The following PUSL1 variants were observed in gnomAD, a reference collection of about 807,000 sequenced individuals.
PUSL1 encodes tRNA pseudouridine synthase-like 1.
In PUSL1, 51 loss-of-function variants were observed where a neutral mutation model predicts 30.7. The observed-to-expected ratio is 1.66, with a 90% confidence interval of 1.33 to 2.10. The LOEUF is 2.10. Among genes scored for constraint, PUSL1 ranks in the 30% most tolerant of loss-of-function variants. PUSL1 has a pLI of 0.00. For missense variants in PUSL1, 609 were observed against 427.6 expected, an observed-to-expected ratio of 1.42 and a Z score of -3.74; for synonymous variants, 290 against 192.1, an observed-to-expected ratio of 1.51 and a Z score of -4.21.
At chr1:1,310,715 AGGGGGT>A in intron 6 of PUSL1, 27 bp downstream of exon 6, 1 of 1,568,594 alleles carries the variant, frequency 6.4e-7, no homozygotes, top group East Asian at 2.3e-5. Flanking sequence ...GGCCGTCCCC[AGGGGGT>A]GGGGCTGAGG....
rs769404665 is a variant in PUSL1, at chr1:1,309,681, C to G, written c.474C>G (p.Asp158Glu). ...CTGACGGTCACCCTGGTCCCTGAAG[C>G]TGCCTGGATATGGTCGCCATGCAGG... The part of the protein sequence containing the change: ...ERNLCWTLPA[D>E]CLDMVAMQEA... The change falls in exon 5 of 8, where the codon GAC becomes GAG. Residue 158 changes from aspartate to glutamate, a missense_variant and splice_region_variant. By Grantham distance (45) the Asp-to-Glu change is conservative (BLOSUM62 2). Transcript: ENST00000379031. 1 of 1,595,552 alleles carries G rather than the reference C, an allele frequency of 6.3e-7. No individual in the cohort carries two copies. Among genetic ancestry groups the G allele is most frequent in the East Asian group, 2.3e-5 (1 of 44,346 alleles).
Position 1,308,676 on chromosome 1 carries a change from C to G in PUSL1, c.33C>G (p.Arg11=), listed in dbSNP as rs1165898363. Residue 11 remains arginine (R), a synonymous_variant, in exon 1 of 8, where the codon CGC becomes CGG. Transcript: ENST00000379031. Reference sequence around the variant, plus strand: ...CGGCGCCGGCCTCAGGCTCCGTGCGCGCGCGCTATCTTGTGTACTTCCAGT... The same window carrying G: ...CGGCGCCGGCCTCAGGCTCCGTGCGGGCGCGCTATCTTGTGTACTTCCAGT... MSSAPASGSV[R]ARYLVYFQYV... is the part of the protein sequence containing the mutation. 6.5e-7 allele frequency: 1 copy of G among 1,548,840 alleles called. No individual in the cohort carries two copies. The highest frequency in any genetic ancestry group is 1.4e-5 in the African/African-American group (1 of 70,278).
chr1:1,309,295 C>G, intron 3 of PUSL1, 22 bp downstream of exon 3: 1 of 1,474,112 alleles, frequency 6.8e-7, no homozygotes, highest in South Asian at 1.3e-5. Flanking sequence ...ACCTAAGCAG[C>G]CCTGGGGCTG....
In PUSL1 at chr1:1,309,108, C is replaced by G. The variant is rs1396135883; in HGVS notation, c.158C>G (p.Ser53Cys). The G allele has an allele frequency of 4.2e-5, 64 of 1,513,170 alleles. No individual in the cohort carries two copies. Among genetic ancestry groups the G allele is most frequent in the Non-Finnish European group, 5.4e-5 (62 of 1,139,220 alleles). 93.7% of individuals were successfully genotyped at this position (1,513,170 alleles called of 1,614,324 possible). A position where few individuals can be genotyped will look rare whatever the true frequency, so the allele number is the denominator to read the frequency against. Residue 53 changes from serine to cysteine, a missense_variant, in exon 3 of 8, where the codon TCC becomes TGC. Physicochemically the swap from Ser to Cys is moderately radical, Grantham distance 112 (BLOSUM62 -1). Coordinates refer to ENST00000379031, the MANE Select transcript of PUSL1 (RefSeq NM_153339.3). ...CAGGAGGCCGCCGAGCGGCTGAATT[C>G]CGTGGAGCCGGTCAGGTTCACCATC... ...YLEEAAERLN[S>C]VEPVRFTISS...
rs773348239 is a variant in PUSL1 at position 1,309,240 on chromosome 1, C to T, written c.290C>T (p.Ala97Val). 1 of 1,508,042 alleles carries T rather than the reference C, an allele frequency of 6.6e-7. No individual in the cohort carries two copies. The highest frequency in any genetic ancestry group is 8.8e-7 in the Non-Finnish European group (1 of 1,135,166). The allele number at this position is 1,508,042 out of a possible 1,614,324, so 93.4% of individuals were successfully genotyped here. ...PPFPPEVLAE[A>V]LNTHLRHPAI... Reference sequence around the variant, plus strand: ...TTCCCGCCCGAGGTCCTGGCCGAGGCCCTCAACACACACCTGCGGCACCCG... The same window carrying T: ...TTCCCGCCCGAGGTCCTGGCCGAGGTCCTCAACACACACCTGCGGCACCCG... The change falls in exon 3 of 8, where the codon GCC becomes GTC. Residue 97 changes from alanine to valine, a missense_variant. By Grantham distance (64) the Ala-to-Val change is moderately conservative. Coordinates refer to ENST00000379031, the MANE Select transcript of PUSL1 (RefSeq NM_153339.3).
chr1:1,311,063 G>T lies in PUSL1; in HGVS notation c.854G>T (p.Gly285Val), dbSNP rs1311559298. Reference protein sequence around the residue: ...HGLFLKSVLYGNLGAASCTLQ... With the variant: ...HGLFLKSVLYVNLGAASCTLQ... Reference sequence around the variant, plus strand: ...TTATTCCTCAAGTCAGTGCTGTACGGGAACCTCGGTAAGAAAAACAGGCAC... The same window carrying T: ...TTATTCCTCAAGTCAGTGCTGTACGTGAACCTCGGTAAGAAAAACAGGCAC... Residue 285 changes from glycine (G) to valine (V), a missense_variant, in exon 7 of 8, where the codon GGG (glycine) becomes GTG (valine). Gly to Val is a moderately radical substitution (Grantham distance 109). Coordinates refer to ENST00000379031, the MANE Select transcript of PUSL1 (RefSeq NM_153339.3). The T allele has an allele frequency of 6.3e-7, 1 of 1,598,950 alleles. No individual in the cohort carries two copies. The highest frequency in any genetic ancestry group is 8.6e-7 in the Non-Finnish European group (1 of 1,169,280).
intron 3 of PUSL1, 65 bp downstream of exon 3, chr1:1,309,338 G>C: frequency 1.4e-6 from 2 of 1,451,140 alleles, no homozygotes; most frequent in South Asian, 1.4e-5. Flanking sequence ...GCGGGCGGAG[G>C]CTGGAGATCT....
In PUSL1 at chr1:1,309,228, TCCTGGCCGAGGC is replaced by T. The variant is rs780302427; in HGVS notation, c.282_293del (p.Ala95_Leu98del). On this transcript the variant is annotated inframe_deletion, in exon 3 of 8. Coordinates refer to ENST00000379031, the MANE Select transcript of PUSL1 (RefSeq NM_153339.3). ...GGCCGGCCGCCCTTCCCGCCCGAGG[TCCTGGCCGAGGC>T]CCTCAACACACACCTGCGGCACCCG... 2.6e-5 allele frequency: 40 copies of T among 1,515,360 alleles called. No homozygotes were observed. In the East Asian group the frequency reaches 5.0e-4, roughly 19 times the overall value. The allele number at this position is 1,515,360 out of a possible 1,614,324, so 93.9% of individuals were successfully genotyped here. A position where few individuals can be genotyped will look rare whatever the true frequency, so the allele number is the denominator to read the frequency against.
chr1:1,308,705 T>C lies in PUSL1; in HGVS notation c.62T>C (p.Val21Ala). 3.2e-6 allele frequency: 5 copies of C among 1,557,834 alleles called. No individual in the cohort carries two copies. The highest frequency in any genetic ancestry group is 1.4e-5 in the African/African-American group (1 of 70,760). ...CGCTATCTTGTGTACTTCCAGTACGTGGGCACCGACTTTAAGTAGGTTTCC... is the reference window on the plus strand; with the variant it reads ...CGCTATCTTGTGTACTTCCAGTACGCGGGCACCGACTTTAAGTAGGTTTCC... ...RARYLVYFQY[V>A]GTDFNGVAAV... Residue 21 changes from valine (V) to alanine (A), a missense_variant, in exon 1 of 8, where the codon GTG (valine) becomes GCG (alanine). Physicochemically the swap from Val to Ala is moderately conservative, Grantham distance 64. Transcript: ENST00000379031.
Position 1,309,105 on chromosome 1 carries a change from A to C in PUSL1, c.155A>C (p.Asn52Thr), listed in dbSNP as rs367791366. 12 of 1,508,928 alleles carry C rather than the reference A, an allele frequency of 8.0e-6. No individual in the cohort carries two copies. The highest frequency in any genetic ancestry group is 7.2e-5 in the African/African-American group (5 of 69,928). 93.5% of individuals were successfully genotyped at this position (1,508,928 alleles called of 1,614,324 possible). Residue 52 changes from asparagine (N) to threonine (T), a missense_variant, in exon 3 of 8, where the codon AAT (asparagine) becomes ACT (threonine). Physicochemically the swap from Asn to Thr is moderately conservative, Grantham distance 65. Transcript: ENST00000379031. The stretch of plus-strand genomic sequence containing the variant: ...CTGCAGGAGGCCGCCGAGCGGCTGA[A>C]TTCCGTGGAGCCGGTCAGGTTCACC... Reference protein sequence around the residue: ...NYLEEAAERLNSVEPVRFTIS... With the variant: ...NYLEEAAERLTSVEPVRFTIS...
At chr1:1,309,887 A>C in intron 5 of PUSL1, 36 bp downstream of exon 5, 5 of 1,437,310 alleles carry the variant, frequency 3.5e-6, no homozygotes, top group Non-Finnish European at 4.6e-6. Context: ...CCCTGCCCTC[A>C]AGTCACGTGC....
At position 1,311,345 on chromosome 1, in the gene PUSL1, C is replaced by T. The variant is rs758339550; in HGVS notation, c.878C>T (p.Thr293Ile). The T allele has an allele frequency of 6.9e-6, 11 of 1,589,958 alleles. No individual in the cohort carries two copies. The Admixed American group carries it at 1.7e-4, about 25-fold the overall frequency. Reference sequence around the variant, plus strand: ...CCGTCCACAGGTGCTGCCTCCTGCACCCTGCAGGGGCCACAGTTCGGGAGC... The same window carrying T: ...CCGTCCACAGGTGCTGCCTCCTGCATCCTGCAGGGGCCACAGTTCGGGAGC... ...LYGNLGAASC[T>I]LQGPQFGSHG The change falls in exon 8 of 8, where the codon ACC becomes ATC. Residue 293 changes from threonine to isoleucine, a missense_variant. Coordinates refer to ENST00000379031, the MANE Select transcript of PUSL1 (RefSeq NM_153339.3).
At position 1,308,937 on chromosome 1, in the gene PUSL1, A is replaced by G. The variant is rs754322371; in HGVS notation, c.100A>G (p.Thr34Ala). Residue 34 changes from threonine to alanine, a missense_variant, in exon 2 of 8, where the codon ACT becomes GCT. Thr to Ala is a moderately conservative substitution (Grantham distance 58). Coordinates refer to ENST00000379031, the MANE Select transcript of PUSL1 (RefSeq NM_153339.3). The part of the protein sequence containing the change: ...DFNGVAAVRG[T>A]QRAVGVQNYL... ...CAGCGGGGTCGCGGCCGTCAGGGGC[A>G]CTCAGCGCGCCGTCGGGGTCCAGAA... 2.2e-5 allele frequency: 31 copies of G among 1,420,616 alleles called. No homozygotes were observed. Among genetic ancestry groups the G allele is most frequent in the Admixed American group, 6.3e-5 (2 of 31,866 alleles). The allele number at this position is 1,420,616 out of a possible 1,614,324, so 88.0% of individuals were successfully genotyped here.
rs1642061029 is a variant in PUSL1 at position 1,310,399 on chromosome 1, T to C, written c.645-235T>C. 3 of 534,640 alleles carry C rather than the reference T, an allele frequency of 5.6e-6. No homozygotes were observed. The South Asian group carries it at 7.5e-5, about 13-fold the overall frequency. The allele number at this position is 534,640 out of a possible 1,614,324, so 33.1% of individuals were successfully genotyped here. A position where few individuals can be genotyped will look rare whatever the true frequency, so the allele number is the denominator to read the frequency against. ...GCCCCTCTGGGATGGCCAGGCTACC[T>C]GCCCAGCCTCCAGGGTCCTGCTGCC... On this transcript the variant is annotated intron_variant, in intron 5 of 7. Coordinates refer to ENST00000379031, the MANE Select transcript of PUSL1 (RefSeq NM_153339.3).
At chr1:1,311,298 C>T (rs775487565) in intron 7 of PUSL1, 32 bp from the exon 8 acceptor site, 2 of 1,522,352 alleles carry the variant, frequency 1.3e-6, no homozygotes, top group South Asian at 1.3e-5. Flanking sequence ...CGGTCTTGCC[C>T]CAGGCTGACG....
intron 6 of PUSL1, 78 bp downstream of exon 6, chr1:1,310,766 C>T (rs764530640): frequency 2.0e-5 from 32 of 1,612,350 alleles, no homozygotes; most frequent in Middle Eastern, 1.6e-4. Context: ...GGCTCTGGGT[C>T]GTGGGCGGCT....
chr1:1,311,319 T>C lies in PUSL1; in HGVS notation c.863-11T>C, dbSNP rs376632274. 3 of 1,555,566 alleles carry C rather than the reference T, an allele frequency of 1.9e-6. No homozygotes were observed. Among genetic ancestry groups the C allele is most frequent in the Non-Finnish European group, 1.7e-6 (2 of 1,147,634 alleles). ...TGCCCCAGGCTGACGCAGGGTCTGG[T>C]CCGTCCACAGGTGCTGCCTCCTGCA... is the stretch of plus-strand genomic sequence containing the variant. On this transcript the variant is annotated splice_polypyrimidine_tract_variant and intron_variant, in intron 7 of 7. Coordinates refer to ENST00000379031, the MANE Select transcript of PUSL1 (RefSeq NM_153339.3).
chr1:1,309,470 C>G lies in PUSL1; in HGVS notation c.340C>G (p.Arg114Gly). The G allele has an allele frequency of 6.2e-7, 1 of 1,604,632 alleles. No homozygotes were observed. The highest frequency in any genetic ancestry group is 8.5e-7 in the Non-Finnish European group (1 of 1,176,256). ...HPAIRVLRAF[R>G]VPSDFHARHA... Reference sequence around the variant, plus strand: ...CCGCCATAGGGTCCTGCGGGCCTTCCGAGTGCCCAGCGACTTCCACGCTCG... The same window carrying G: ...CCGCCATAGGGTCCTGCGGGCCTTCGGAGTGCCCAGCGACTTCCACGCTCG... Residue 114 changes from arginine (R) to glycine (G), a missense_variant, in exon 4 of 8, where the codon CGA (arginine) becomes GGA (glycine). Arg to Gly is a moderately radical substitution (Grantham distance 125). Coordinates refer to ENST00000379031, the MANE Select transcript of PUSL1 (RefSeq NM_153339.3).
In PUSL1 at chr1:1,311,575, A is replaced by G. The variant is rs968112460; in HGVS notation, c.*196A>G. 4.1e-6 allele frequency: 3 copies of G among 726,750 alleles called. No individual in the cohort carries two copies. The African/African-American group carries it at 5.2e-5, about 13-fold the overall frequency. The allele number at this position is 726,750 out of a possible 1,614,324, so 45.0% of individuals were successfully genotyped here. On this transcript the variant is annotated 3_prime_UTR_variant, in exon 8 of 8. Transcript: ENST00000379031. Reference sequence around the variant, plus strand: ...GGCACAGTGCAGGACACAGCCATGTACACCAAGAAGAGAGTACCAAGTAGT... The same window carrying G: ...GGCACAGTGCAGGACACAGCCATGTGCACCAAGAAGAGAGTACCAAGTAGT...
Sources: allele counts gnomAD v4.1 joint callset, GRCh38; gene constraint gnomAD v4.1.1; transcripts MANE v1.5; gene names NCBI Gene and HGNC (gene_info 2026-07-23, HGNC 2026-07-21).